SHMT1: variants seen among roughly 807,000 people sequenced by gnomAD.
SHMT1 encodes serine hydroxymethyltransferase 1.
SHMT1 carries 45 observed loss-of-function variants against 49.0 expected under a neutral mutation model. That is an observed-to-expected ratio of 0.92 (90% CI 0.72 to 1.18). The LOEUF (loss-of-function observed/expected upper bound fraction) is 1.18. Among genes scored for constraint, SHMT1 ranks in the 50% most tolerant of loss-of-function variants. The probability of loss-of-function intolerance (pLI) is 0.00; values close to 1 mark genes in which losing one functional copy is unlikely to be tolerated. For synonymous variants in SHMT1, 232 were observed against 246.6 expected (o/e 0.94, Z 0.55); for missense variants, 541 against 612.4 (o/e 0.88, Z 1.23).
At chr17:18,330,726 ATC>A in intron 9 of SHMT1, 55 bp from the exon 10 acceptor site, 1 of 1,306,704 alleles carries the variant, frequency 7.7e-7, no homozygotes, top group Non-Finnish European at 1.1e-6. Flanking sequence ...CCGTGAAGGA[ATC>A]TCTGAGAAAC....
At chr17:18,331,424 T>C (rs1983194598) in intron 9 of SHMT1, 1 of 156,466 alleles carries the variant, frequency 6.4e-6, no homozygotes, top group African/African-American at 2.4e-5. Flanking sequence ...CAGATGCCCA[T>C]TTGTAACAAA....
In SHMT1 at chr17:18,328,882, A is replaced by T; in HGVS notation, c.1320T>A (p.Gly440=). ...TGAACTCTTTCAGGGTGGCTCTGAC[A>T]CCAGTGTCGCTCTGGATCTGCAGGG... ...ELTLQIQSDT[G]VRATLKEFKE... Residue 440 remains glycine (G), a synonymous_variant, in exon 12 of 12, where the codon GGT becomes GGA. Transcript: ENST00000316694. 6.2e-7 allele frequency: 1 copy of T among 1,613,920 alleles called. No individual in the cohort carries two copies. The highest frequency in any genetic ancestry group is 8.5e-7 in the Non-Finnish European group (1 of 1,180,016).
At chr17:18,332,638 A>C (rs1022150038) in intron 9 of SHMT1, 1 of 183,922 alleles carries the variant, frequency 5.4e-6, no homozygotes, top group Non-Finnish European at 1.2e-5. Context: ...TGGGGCCCTG[A>C]CCTGGGAAGT....
chr17:18,362,290 GTTAT>G (rs1252365957), intron 1 of SHMT1, among the ~76,000 whole-genome samples: 4 of 151,992 alleles, frequency 2.6e-5, no homozygotes, highest in African/African-American at 7.2e-5. Context: ...ATAAATTTAC[GTTAT>G]TTCTTTTCTT....
At chr17:18,329,749 C>T (rs140918813) in intron 10 of SHMT1, among the ~76,000 whole-genome samples, 83 of 152,238 alleles carry the variant, frequency 5.5e-4, no homozygotes, top group Non-Finnish European at 9.7e-4. Flanking sequence ...ATGAATGTAC[C>T]ACCTCCAACA....
Position 18,356,018 on chromosome 17 carries a change from A to G in SHMT1, c.-19-18T>C. 8.5e-7 allele frequency: 1 copy of G among 1,170,080 alleles called. No homozygotes were observed. The highest frequency in any genetic ancestry group is 1.3e-6 in the Non-Finnish European group (1 of 779,162). The allele number at this position is 1,170,080 out of a possible 1,614,324, so 72.5% of individuals were successfully genotyped here. The stretch of plus-strand genomic sequence containing the variant: ...GAAGCTGCCTAAAAAAATGGGAAAA[A>G]CATGTGTAGCTTCCAGAATTAAATT... On this transcript the variant is annotated intron_variant, in intron 1 of 11. Transcript: ENST00000316694.
chr17:18,329,169 C>T, intron 11 of SHMT1, 109 bp downstream of exon 11: 1 of 933,166 alleles, frequency 1.1e-6, no homozygotes, highest in South Asian at 1.4e-5. Context: ...CCCCAACACT[C>T]AGCCTTGGTG....
chr17:18,330,128 T>C (rs57706516), intron 10 of SHMT1, among the ~76,000 whole-genome samples: 3,630 of 148,092 alleles, frequency 0.025, 159 homozygotes, highest in African/African-American at 0.085. Context: ...TGTGAACCAC[T>C]GCACCTGGCC....
Position 18,340,460 on chromosome 17 carries a change from T to C in SHMT1, c.602-205A>G, listed in dbSNP as rs1341760933. On this transcript the variant is annotated intron_variant, in intron 6 of 11. Coordinates refer to ENST00000316694, the MANE Select transcript of SHMT1 (RefSeq NM_004169.5). The surrounding 1 kb of genome is among the most constrained non-coding windows in gnomAD (Gnocchi z 4.5). ...CTCTTCAACGTCTTGGTGGTTGAGA[T>C]GGCCCCAACTACTATTGCCAGCGCA... 3 of 680,928 alleles carry C rather than the reference T, an allele frequency of 4.4e-6. No individual in the cohort carries two copies. The highest frequency in any genetic ancestry group is 3.6e-5 in the African/African-American group (2 of 56,110). 42.2% of individuals were successfully genotyped at this position (680,928 alleles called of 1,614,324 possible).
chr17:18,351,182 C>T (rs936336079), intron 3 of SHMT1, among the ~76,000 whole-genome samples: 2 of 151,570 alleles, frequency 1.3e-5, no homozygotes, highest in Non-Finnish European at 2.9e-5. Flanking sequence ...TCACTGTCAC[C>T]CAGGCTGGAG....
chr17:18,352,154 T>TTTTTC (rs2151598165), intron 3 of SHMT1, among the ~76,000 whole-genome samples: 1 of 149,574 alleles, frequency 6.7e-6, no homozygotes, highest in South Asian at 2.1e-4. Context: ...CCCCTTCTTT[T>TTTTTC]TTTTTTTTTT....
chr17:18,348,238 T>A (rs766575172), intron 4 of SHMT1, 87 bp downstream of exon 4: 2 of 903,158 alleles, frequency 2.2e-6, no homozygotes, highest in African/African-American at 3.3e-5. Context: ...TCCATGGCAG[T>A]CCATCTTAGG....
intron 9 of SHMT1, 186 bp downstream of exon 9, chr17:18,332,980 G>A (rs1180839142): frequency 1.4e-6 from 1 of 715,032 alleles, no homozygotes; most frequent in Non-Finnish European, 2.5e-6. Flanking sequence ...ACCCAAGGGG[G>A]CGGCTGGCTG....
chr17:18,356,566 C>G (rs9901707), intron 1 of SHMT1, among the ~76,000 whole-genome samples: 39,512 of 151,956 alleles, frequency 0.26, 5,224 homozygotes, highest in East Asian at 0.3. Context: ...GAACTCCTCT[C>G]AAGTGATCCG....
At chr17:18,339,201 A>T (rs1243201383) in intron 7 of SHMT1, among the ~76,000 whole-genome samples, 1 of 152,134 alleles carries the variant, frequency 6.6e-6, no homozygotes, top group African/African-American at 2.4e-5. Flanking sequence ...GGAATTCGAA[A>T]ATAAGGGGAG....
chr17:18,335,319 A>AAT (rs757499530), intron 8 of SHMT1, among the ~76,000 whole-genome samples: 1 of 152,218 alleles, frequency 6.6e-6, no homozygotes, highest in Non-Finnish European at 1.5e-5. Context: ...TGTACTTTAC[A>AAT]AAACTCGGCC....
intron 5 of SHMT1, chr17:18,341,165 T>G (rs1234454824): frequency 9.1e-6 from 3 of 329,506 alleles, no homozygotes; most frequent in African/African-American, 4.2e-5. Flanking sequence ...CTGCTAATAC[T>G]ACTTCTATTC....
In SHMT1 at chr17:18,340,079, G is replaced by A. The variant is rs748965858; in HGVS notation, c.778C>T (p.Arg260Ter). ...AAGATCATGCCAGCTCGGCAGCCTC[G>A]CAGGGTCTTGTGAGTGGTGGTGGTC... is the stretch of plus-strand genomic sequence containing the variant. ...VVTTTTHKTL[R>*]GCRAGMIFYR... The change falls in exon 7 of 12, where the codon CGA becomes TGA. Residue 260 changes from arginine to a stop codon, truncating the protein, a stop_gained. Transcript: ENST00000316694. LOFTEE classifies it high-confidence loss of function. This position sits in a 1 kb window ranked among gnomAD's most constrained non-coding sequence, Gnocchi z 4.5. 43 of 1,613,856 alleles carry A rather than the reference G, an allele frequency of 2.7e-5. No individual in the cohort carries two copies. The highest frequency in any genetic ancestry group is 1.6e-4 in the Middle Eastern group (1 of 6,084).
Position 18,340,033 on chromosome 17 carries a change from G to A in SHMT1, c.814+10C>T, listed in dbSNP as rs771897884. The A allele has an allele frequency of 1.4e-5, 22 of 1,612,030 alleles. No homozygotes were observed. Among genetic ancestry groups the A allele is most frequent in the South Asian group, 5.5e-5 (5 of 91,052 alleles). On this transcript the variant is annotated intron_variant, in intron 7 of 11. Coordinates refer to ENST00000316694, the MANE Select transcript of SHMT1 (RefSeq NM_004169.5). This position sits in a 1 kb window ranked among gnomAD's most constrained non-coding sequence, Gnocchi z 4.5. The stretch of plus-strand genomic sequence containing the variant: ...TGGTACCCATCTGTACCCAACATTC[G>A]GGAGCTCACCTTTCCTGTAGAAGAT...
Sources: allele counts gnomAD v4.1 joint callset (sites outside exome capture counted in the v4.1 genomes callset), GRCh38; gene constraint gnomAD v4.1.1; non-coding constraint Gnocchi (gnomAD v3.1); transcripts MANE v1.5; gene names NCBI Gene and HGNC (gene_info 2026-07-23, HGNC 2026-07-21).